The following KCNT2 variants were observed in gnomAD, a reference collection of about 807,000 sequenced individuals.
The protein encoded by KCNT2 is potassium sodium-activated channel subfamily T member 2, also known as potassium channel subfamily T member 2.
In KCNT2, 67 loss-of-function variants were observed where a neutral mutation model predicts 153.8. The observed-to-expected ratio is 0.44, with a 90% CI of 0.36 to 0.53. KCNT2 has a LOEUF of 0.53. Ranked by LOEUF, KCNT2 falls within the 20% of genes least tolerant of loss-of-function variation. The pLI is 0.00. For synonymous variants in KCNT2, 500 were observed against 458.8 expected (o/e 1.09, Z -1.15); for missense variants, 975 against 1,354.8 (o/e 0.72, Z 4.40).
intron 14 of KCNT2, among the ~76,000 whole-genome samples, chr1:196,348,274 A>G (rs1007018088): frequency 6.6e-6 from 1 of 152,106 alleles, no homozygotes; most frequent in African/African-American, 2.4e-5. Flanking sequence ...ATATCAATTT[A>G]GTGTTGTAAT....
intron 21 of KCNT2, among the ~76,000 whole-genome samples, chr1:196,314,540 C>T (rs1475474563): frequency 6.6e-6 from 1 of 151,654 alleles, no homozygotes; most frequent in Non-Finnish European, 1.5e-5. Flanking sequence ...GTGTGTATTT[C>T]TTCTTCTGGA....
Position 196,608,361 on chromosome 1 carries a change from G to A in KCNT2, c.-52C>T. ...AACAACAAATGGAGGAGAGGAGGGA[G>A]AAAGAAAGAAAATATTGCGGAGTAC... On this transcript the variant is annotated 5_prime_UTR_variant, in exon 1 of 28. Transcript: ENST00000294725. The A allele has an allele frequency of 1.4e-6, 2 of 1,418,350 alleles. No homozygotes were observed. Among genetic ancestry groups the A allele is most frequent in the Non-Finnish European group, 2.0e-6 (2 of 1,004,980 alleles). 87.9% of individuals were successfully genotyped at this position (1,418,350 alleles called of 1,614,324 possible).
At chr1:196,553,952 C>G (rs1294717617) in intron 1 of KCNT2, among the ~76,000 whole-genome samples, 2 of 151,078 alleles carry the variant, frequency 1.3e-5, no homozygotes, top group South Asian at 2.1e-4. Flanking sequence ...GAACAACATA[C>G]CAAAACCCAT....
intron 1 of KCNT2, among the ~76,000 whole-genome samples, chr1:196,539,395 T>C (rs1311725618): frequency 6.6e-6 from 1 of 152,160 alleles, no homozygotes; most frequent in East Asian, 1.9e-4. Flanking sequence ...TATATTTCAA[T>C]CAGTTTATGA....
chr1:196,279,721 C>T (rs1215129192), intron 25 of KCNT2, among the ~76,000 whole-genome samples: 1 of 151,798 alleles, frequency 6.6e-6, no homozygotes, highest in Non-Finnish European at 1.5e-5. Context: ...AGCCACTGTG[C>T]CAGGCCACAT....
intron 22 of KCNT2, among the ~76,000 whole-genome samples, chr1:196,288,057 T>C (rs187698822): frequency 5.9e-5 from 9 of 151,850 alleles, no homozygotes; most frequent in African/African-American, 2.2e-4. Context: ...TGAGTAGAAA[T>C]TTGGGAAGAG....
chr1:196,589,264 A>AGT (rs10625619), intron 1 of KCNT2, among the ~76,000 whole-genome samples: 116,498 of 150,582 alleles, frequency 0.77, 48,536 homozygotes, highest in East Asian at 0.95. Flanking sequence ...TATAAAAAAA[A>AGT]GTGTGTGTGT....
chr1:196,243,243 C>T (rs1655117284), intron 26 of KCNT2, among the ~76,000 whole-genome samples: 1 of 152,032 alleles, frequency 6.6e-6, no homozygotes, highest in African/African-American at 2.4e-5. Context: ...CTTTTCATTG[C>T]ATGAAAAAAC....
rs541648369 is a variant in KCNT2 at position 196,454,838 on chromosome 1, G to A, written c.638+10455C>T. Among the ~76,000 whole-genome samples the A allele has an allele frequency of 2.9e-4, 44 of 152,022 alleles. No individual in the cohort carries two copies. The South Asian group carries it at 4.8e-3, about 16-fold the overall frequency. On this transcript the variant is annotated intron_variant, in intron 8 of 27. Transcript: ENST00000294725. ...TCCAGAAGTCTAGGTAGGCTCAGCC[G>A]GTTTCTTCTCTATGAGTTTCCCAAG...
At chr1:196,467,543 T>A (rs549643129) in intron 7 of KCNT2, among the ~76,000 whole-genome samples, 160 bp downstream of exon 7, 133 of 152,094 alleles carry the variant, frequency 8.7e-4, no homozygotes, top group Non-Finnish European at 1.7e-3. Context: ...TAATTACAGC[T>A]TAATTAATTC....
chr1:196,509,128 G>T (rs1449986915), intron 1 of KCNT2, among the ~76,000 whole-genome samples: 1 of 151,926 alleles, frequency 6.6e-6, no homozygotes, highest in African/African-American at 2.4e-5. Context: ...AATTAACTGG[G>T]CTTGGTGGCG....
intron 12 of KCNT2, among the ~76,000 whole-genome samples, chr1:196,414,889 A>G (rs1237607163): frequency 6.6e-6 from 1 of 151,870 alleles, no homozygotes; most frequent in African/African-American, 2.4e-5. Context: ...TGGCCCTCCC[A>G]AGACACTGGC....
In KCNT2 at chr1:196,400,597, A is replaced by G. The variant is rs370798544; in HGVS notation, c.1186-1926T>C. Among the ~76,000 whole-genome samples, 26 of 151,912 alleles carry G rather than the reference A, an allele frequency of 1.7e-4. No individual in the cohort carries two copies. The East Asian group carries it at 4.3e-3, about 25-fold the overall frequency. ...ATGTGTATCATCTTAGTAATAGTGA[A>G]GTAATATCATTAAGGATAAAAGATA... On this transcript the variant is annotated intron_variant, in intron 12 of 27. Transcript: ENST00000294725.
chr1:196,578,869 A>G (rs1252958899), intron 1 of KCNT2, among the ~76,000 whole-genome samples: 2 of 152,188 alleles, frequency 1.3e-5, no homozygotes, highest in Admixed American at 6.5e-5. Context: ...ATAGCATTCA[A>G]TTAACATTTT....
chr1:196,331,188 T>C lies in KCNT2; in HGVS notation c.2071A>G (p.Lys691Glu). 6.2e-7 allele frequency: 1 copy of C among 1,608,964 alleles called. No individual in the cohort carries two copies. The highest frequency in any genetic ancestry group is 8.5e-7 in the Non-Finnish European group (1 of 1,175,670). ...SPTFCHLLHE[K>E]VPFCCLRLDK... ...AATCTTAAGCAGCAAAATGGTACTT[T>C]TTCATGAAGGAGATGACAAAAAGTG... The change falls in exon 18 of 28, where the codon AAA becomes GAA. Residue 691 changes from lysine to glutamate, a missense_variant. This residue lies in a region of KCNT2 where 325 missense variants were observed against 388.1 expected (regional missense o/e 0.84). Coordinates refer to ENST00000294725, the MANE Select transcript of KCNT2 (RefSeq NM_198503.5).
intron 1 of KCNT2, among the ~76,000 whole-genome samples, chr1:196,544,148 T>C (rs1203883249): frequency 1.3e-5 from 2 of 152,170 alleles, no homozygotes; most frequent in Non-Finnish European, 2.9e-5. Context: ...CAATAAGTTA[T>C]GGCATTCACA....
chr1:196,588,551 C>A lies in KCNT2; in HGVS notation c.95+19664G>T, dbSNP rs75545199. Among the ~76,000 whole-genome samples the A allele has an allele frequency of 2.1e-3, 315 of 152,064 alleles. 3 individuals carry two copies. The highest frequency in any genetic ancestry group is 2.8e-3 in the Non-Finnish European group (190 of 67,892). On this transcript the variant is annotated intron_variant, in intron 1 of 27. Coordinates refer to ENST00000294725, the MANE Select transcript of KCNT2 (RefSeq NM_198503.5). ...TCTGTTGAGATTTTTAAAAAGCAGT[C>A]ACTTTTATTGTTATTCTTAATACAT...
intron 1 of KCNT2, among the ~76,000 whole-genome samples, chr1:196,543,926 C>CA (rs1226223213): frequency 2.8e-5 from 4 of 142,212 alleles, no homozygotes; most frequent in African/African-American, 7.9e-5. Flanking sequence ...TGTATTTACA[C>CA]AAAAAACCTG....
chr1:196,281,018 A>C, intron 24 of KCNT2, 30 bp from the exon 25 acceptor site: 1 of 1,560,960 alleles, frequency 6.4e-7, no homozygotes, highest in Non-Finnish European at 8.8e-7. Context: ...TTTACATATT[A>C]AATGTGTCAG....
Sources: gnomAD v4.1 joint callset for allele counts (sites outside exome capture counted in the v4.1 genomes callset) on GRCh38, gnomAD v4.1.1 for gene constraint, gnomAD v4.1.1 regional missense constraint, MANE v1.5 for transcripts, NCBI Gene and HGNC (gene_info 2026-07-23, HGNC 2026-07-21) for gene names.